Variants in ABCA12 observed in about 807,000 individuals in gnomAD.
ABCA12 encodes the protein glucosylceramide transporter ABCA12.
In ABCA12, 156 loss-of-function variants were observed where a neutral mutation model predicts 293.5. The ratio of observed to expected loss-of-function variants is 0.53; its 90% confidence interval spans 0.47 to 0.61. The LOEUF (loss-of-function observed/expected upper bound fraction) is 0.61, where lower values mean the gene tolerates loss of function less well. Ranked by LOEUF, ABCA12 falls within the 20% of genes least tolerant of loss-of-function variation. The pLI is 0.00. For missense variants in ABCA12, 2,797 were observed against 3,090.2 expected (o/e 0.91, Z 2.25); for synonymous variants, 1,063 against 1,108.0 (o/e 0.96, Z 0.81).
chr2:215,106,626 G>A (rs1436959604), intron 2 of ABCA12, among the ~76,000 whole-genome samples: 3 of 151,974 alleles, frequency 2.0e-5, no homozygotes, highest in African/African-American at 7.3e-5. Flanking sequence ...AATGATGTGA[G>A]TATTAACTAA....
chr2:215,001,084 G>A (rs775512255), intron 21 of ABCA12, 64 bp from the exon 22 acceptor site: 13 of 1,527,764 alleles, frequency 8.5e-6, no homozygotes, highest in Non-Finnish European at 1.2e-5. Flanking sequence ...TCATTGTTTG[G>A]AGAGTACACA....
chr2:215,035,522 A>G (rs1466215360), intron 8 of ABCA12, among the ~76,000 whole-genome samples: 2 of 151,912 alleles, frequency 1.3e-5, no homozygotes, highest in Non-Finnish European at 1.5e-5. Flanking sequence ...ACAAAAAAGT[A>G]GCCGGGCGTG....
Position 214,949,098 on chromosome 2 carries a change from T to A in ABCA12, c.6904A>T (p.Met2302Leu), listed in dbSNP as rs1698670953. 5.6e-6 allele frequency: 9 copies of A among 1,613,942 alleles called. No homozygotes were observed. The highest frequency in any genetic ancestry group is 5.9e-6 in the Non-Finnish European group (7 of 1,179,928). The change falls in exon 46 of 53, where the codon ATG (methionine) becomes TTG (leucine). Residue 2302 changes from methionine (M) to leucine (L), a missense_variant. Physicochemically the swap from Met to Leu is conservative, Grantham distance 15. This residue lies in a region of ABCA12 where 2,130 missense variants were observed against 2,427.0 expected (regional missense o/e 0.88). Coordinates refer to ENST00000272895, the MANE Select transcript of ABCA12 (RefSeq NM_173076.3). Reference protein sequence around the residue: ...NGAGKTTIFKMLTGDIIPSSG... With the variant: ...NGAGKTTIFKLLTGDIIPSSG... ...GAAGGAATGATGTCTCCTGTCAGCA[T>A]CTTGAATATAGTGGTCTTTCCTGCT...
intron 51 of ABCA12, among the ~76,000 whole-genome samples, 177 bp downstream of exon 51, chr2:214,937,333 G>C (rs1477324838): frequency 6.6e-6 from 1 of 152,180 alleles, no homozygotes; most frequent in Non-Finnish European, 1.5e-5. Context: ...CGAGTAGCTG[G>C]GATTACAGGC....
chr2:214,951,975 G>T (rs1405879613), intron 44 of ABCA12, among the ~76,000 whole-genome samples: 1 of 150,828 alleles, frequency 6.6e-6, no homozygotes, highest in East Asian at 1.9e-4. Context: ...TCTCACCTAG[G>T]ATTTAGCCAA....
chr2:214,992,985 G>GA (rs972392860), intron 23 of ABCA12, among the ~76,000 whole-genome samples: 19 of 150,902 alleles, frequency 1.3e-4, no homozygotes, highest in East Asian at 9.7e-4. Context: ...AGTTTTCCAG[G>GA]AAAAAAAAAT....
intron 38 of ABCA12, among the ~76,000 whole-genome samples, chr2:214,967,175 G>A (rs1159780741): frequency 1.3e-5 from 2 of 152,008 alleles, no homozygotes; most frequent in Non-Finnish European, 2.9e-5. Context: ...GTTGTTCTGT[G>A]GATAGCACTA....
chr2:215,126,147 A>T (rs1160850544), intron 1 of ABCA12, among the ~76,000 whole-genome samples: 1 of 152,102 alleles, frequency 6.6e-6, no homozygotes, highest in Non-Finnish European at 1.5e-5. Flanking sequence ...TATGAAACCC[A>T]CCTGATCATG....
intron 22 of ABCA12, 33 bp from the exon 23 acceptor site, chr2:214,997,842 G>C: frequency 1.5e-6 from 2 of 1,315,976 alleles, no homozygotes; most frequent in South Asian, 1.2e-5. Context: ...AAAATTCAGC[G>C]ACCAAAATGA....
At chr2:214,989,039 C>T (rs866462554) in intron 26 of ABCA12, among the ~76,000 whole-genome samples, 1 of 149,544 alleles carries the variant, frequency 6.7e-6, no homozygotes, top group East Asian at 2.0e-4. Context: ...ATTAGCCGGG[C>T]GTGGTGGCAC....
At chr2:215,112,655 G>A (rs559272917) in intron 1 of ABCA12, among the ~76,000 whole-genome samples, 39 of 151,664 alleles carry the variant, frequency 2.6e-4, no homozygotes, top group African/African-American at 8.0e-4. Flanking sequence ...CCGCCACCAC[G>A]CCTGGCTAAT....
At position 215,120,432 on chromosome 2, in the gene ABCA12, T is replaced by C. The variant is rs1423826625; in HGVS notation, c.70-8742A>G. On this transcript the variant is annotated intron_variant, in intron 1 of 52. Coordinates refer to ENST00000272895, the MANE Select transcript of ABCA12 (RefSeq NM_173076.3). Reference sequence around the variant, plus strand: ...AATTACAGCTAGTTGGAATGGATAATATGACATAGGAAGTAAAGAATGCAA... The same window carrying C: ...AATTACAGCTAGTTGGAATGGATAACATGACATAGGAAGTAAAGAATGCAA... 2.0e-5 allele frequency among the ~76,000 whole-genome samples: 3 copies of C among 152,046 alleles called. No homozygotes were observed. The South Asian group carries it at 6.2e-4, about 31-fold the overall frequency.
At chr2:215,103,267 C>CT (rs72000528) in intron 2 of ABCA12, among the ~76,000 whole-genome samples, 73,835 of 121,138 alleles carry the variant, frequency 0.61, 25,832 homozygotes, top group East Asian at 0.95. Flanking sequence ...AAATTTCTTT[C>CT]TTTTTTTTTT....
At chr2:214,933,385 G>T (rs75759197) in intron 52 of ABCA12, among the ~76,000 whole-genome samples, 2,328 of 152,124 alleles carry the variant, frequency 0.015, 67 homozygotes, top group African/African-American at 0.052. Context: ...ATTGTCTAAA[G>T]CCCCCATTAA....
intron 2 of ABCA12, among the ~76,000 whole-genome samples, chr2:215,066,068 T>C (rs1448692782): frequency 1.3e-5 from 2 of 152,100 alleles, no homozygotes; most frequent in African/African-American, 4.8e-5. Context: ...CTGAATAAAA[T>C]AGAGAGTAGC....
intron 51 of ABCA12, among the ~76,000 whole-genome samples, chr2:214,935,084 A>G (rs1215544339): frequency 6.6e-6 from 1 of 152,090 alleles, no homozygotes; most frequent in Non-Finnish European, 1.5e-5. Flanking sequence ...GATCATGACC[A>G]TGTATTTCAG....
In ABCA12 at chr2:215,059,657, G is replaced by C. The variant is rs151240358; in HGVS notation, c.317+4409C>G. On this transcript the variant is annotated intron_variant, in intron 3 of 52. Coordinates refer to ENST00000272895, the MANE Select transcript of ABCA12 (RefSeq NM_173076.3). ...CTAAAATTTGTCAGGCTATTATTATGGGCAGATTAGGGGGTATCCTACATG... is the reference window on the plus strand; with the variant it reads ...CTAAAATTTGTCAGGCTATTATTATCGGCAGATTAGGGGGTATCCTACATG... Among the ~76,000 whole-genome samples, 4 of 152,024 alleles carry C rather than the reference G, an allele frequency of 2.6e-5. No individual in the cohort carries two copies. The East Asian group carries it at 7.8e-4, about 30-fold the overall frequency.
intron 14 of ABCA12, 106 bp from the exon 15 acceptor site, chr2:215,015,769 G>T: frequency 2.0e-6 from 2 of 1,019,290 alleles, no homozygotes; most frequent in Non-Finnish European, 3.0e-6. Context: ...AAAACAAAAG[G>T]TCCTCAAGAA....
intron 47 of ABCA12, chr2:214,947,910 G>C (rs1003698017): frequency 3.1e-6 from 1 of 317,638 alleles, no homozygotes; most frequent in African/African-American, 2.2e-5. Context: ...GATTCTCACT[G>C]ACTGTTACCC....
Sources: allele counts gnomAD v4.1 joint callset (sites outside exome capture counted in the v4.1 genomes callset), GRCh38; gene constraint gnomAD v4.1.1; regional missense constraint gnomAD v4.1.1; transcripts MANE v1.5; gene names NCBI Gene and HGNC (gene_info 2026-07-23, HGNC 2026-07-21).